DIPK1C: variants seen among roughly 807,000 people sequenced by gnomAD.
The protein encoded by DIPK1C is divergent protein kinase domain 1C.
In DIPK1C, 33 loss-of-function variants were observed where a neutral mutation model predicts 28.0. That is an observed-to-expected ratio of 1.18 (90% CI 0.89 to 1.58). The LOEUF (loss-of-function observed/expected upper bound fraction) is 1.58, where lower values mean the gene tolerates loss of function less well. DIPK1C is among the 40% of genes most tolerant of loss of function. The pLI, the probability that DIPK1C is intolerant of heterozygous loss-of-function variation, is 0.00. For synonymous variants in DIPK1C, 255 were observed against 248.8 expected (o/e 1.02, Z -0.23); for missense variants, 569 against 568.5 (o/e 1.00, Z -0.01).
intron 3 of DIPK1C, among the ~76,000 whole-genome samples, chr18:74,439,040 A>G (rs1287816182): frequency 7.2e-5 from 11 of 152,118 alleles, no homozygotes; most frequent in Admixed American, 7.2e-4. Context: ...ATGTTTTGCA[A>G]ATTTTCTCAT....
At chr18:74,456,510 G>C (rs577977744) in intron 1 of DIPK1C, among the ~76,000 whole-genome samples, 1 of 152,354 alleles carries the variant, frequency 6.6e-6, no homozygotes, top group African/African-American at 2.4e-5. Context: ...CGCGACCGCG[G>C]AGAGCCTGGG....
Position 74,435,630 on chromosome 18 carries a change from C to G in DIPK1C, c.*871G>C, listed in dbSNP as rs1293180679. ...AAGGTGTATTGCAATACGAGGCGCCCTAAAACCCATCCATAACCTTGGTGG... is the reference window on the plus strand; with the variant it reads ...AAGGTGTATTGCAATACGAGGCGCCGTAAAACCCATCCATAACCTTGGTGG... On this transcript the variant is annotated 3_prime_UTR_variant, in exon 4 of 4. Coordinates refer to ENST00000343998, the MANE Select transcript of DIPK1C (RefSeq NM_001044369.3). 2.0e-5 allele frequency: 3 copies of G among 152,288 alleles called. No homozygotes were observed. In the East Asian group the frequency reaches 5.8e-4, roughly 29 times the overall value. 9.4% of individuals were successfully genotyped at this position (152,288 alleles called of 1,614,324 possible). A position where few individuals can be genotyped will look rare whatever the true frequency, so the allele number is the denominator to read the frequency against.
In DIPK1C at chr18:74,457,293, G is replaced by A. The variant is rs1047615993; in HGVS notation, c.-34C>T. 2.0e-6 allele frequency: 2 copies of A among 983,436 alleles called. No homozygotes were observed. The highest frequency in any genetic ancestry group is 2.4e-6 in the Non-Finnish European group (2 of 829,026). 60.9% of individuals were successfully genotyped at this position (983,436 alleles called of 1,614,324 possible). A position where few individuals can be genotyped will look rare whatever the true frequency, so the allele number is the denominator to read the frequency against. ...CTGCCCGCGCCCGGGCCCCACCGCCGCCCGCGCCCCGAGTTCCGCACTCGC... is the reference window on the plus strand; with the variant it reads ...CTGCCCGCGCCCGGGCCCCACCGCCACCCGCGCCCCGAGTTCCGCACTCGC... On this transcript the variant is annotated 5_prime_UTR_variant, in exon 1 of 4. Transcript: ENST00000343998.
intron 1 of DIPK1C, among the ~76,000 whole-genome samples, chr18:74,456,256 C>CT (rs1369923790): frequency 5.3e-5 from 8 of 152,374 alleles, no homozygotes; most frequent in African/African-American, 9.6e-5. Flanking sequence ...TTCCAATCAA[C>CT]TAAAGGTGGG....
chr18:74,457,227 G>C lies in DIPK1C; in HGVS notation c.33C>G (p.Ala11=), dbSNP rs971996287. Residue 11 remains alanine (A), a synonymous_variant, in exon 1 of 4, where the codon GCC becomes GCG. Transcript: ENST00000343998. Reference sequence around the variant, plus strand: ...AGCGCCCGCGCCTCCTGCACCACCCGGCAGGGCCCCGCGCGCCCGCCGCCC... The same window carrying C: ...AGCGCCCGCGCCTCCTGCACCACCCCGCAGGGCCCCGCGCGCCCGCCGCCC... The part of the protein sequence containing the change: MARAAGARGP[A]GWCRRRGRCG... 1.8e-4 allele frequency: 196 copies of C among 1,088,764 alleles called. No homozygotes were observed. Among genetic ancestry groups the C allele is most frequent in the Non-Finnish European group, 2.1e-4 (185 of 898,428 alleles). 67.4% of individuals were successfully genotyped at this position (1,088,764 alleles called of 1,614,324 possible). A position where few individuals can be genotyped will look rare whatever the true frequency, so the allele number is the denominator to read the frequency against.
chr18:74,457,359 G>A (rs1295675881), upstream of DIPK1C: 10 of 881,874 alleles, frequency 1.1e-5, no homozygotes, highest in Non-Finnish European at 1.2e-5. Context: ...CGGGGAGGGG[G>A]AACGGGGGAG....
At chr18:74,458,226 A>G (rs1986561995), upstream of DIPK1C, among the ~76,000 whole-genome samples, 1 of 152,018 alleles carries the variant, frequency 6.6e-6, no homozygotes, top group Admixed American at 6.5e-5. Flanking sequence ...CCCCAGGGGA[A>G]CTGTCACAGC....
intron 1 of DIPK1C, among the ~76,000 whole-genome samples, chr18:74,449,730 G>A (rs1400789004): frequency 6.6e-6 from 1 of 152,176 alleles, no homozygotes; most frequent in Non-Finnish European, 1.5e-5. Flanking sequence ...TTTGCCTGGG[G>A]CTGACTTTAT....
intron 3 of DIPK1C, among the ~76,000 whole-genome samples, chr18:74,438,260 G>A (rs1236201589): frequency 6.6e-6 from 1 of 152,338 alleles, no homozygotes; most frequent in Non-Finnish European, 1.5e-5. Context: ...ATGTGTGCGT[G>A]TGTCGTAAGT....
At chr18:74,442,392 G>C (rs1326488527) in intron 2 of DIPK1C, among the ~76,000 whole-genome samples, 2 of 152,040 alleles carry the variant, frequency 1.3e-5, no homozygotes, top group Non-Finnish European at 2.9e-5. Context: ...GCAGTGGCGC[G>C]ATCTGGGCTC....
chr18:74,438,268 A>G (rs1986043024), intron 3 of DIPK1C, among the ~76,000 whole-genome samples: 1 of 152,224 alleles, frequency 6.6e-6, no homozygotes, highest in African/African-American at 2.4e-5. Context: ...GTGTGTCGTA[A>G]GTTATTTAAC....
chr18:74,446,092 A>G (rs1222567533), intron 2 of DIPK1C, among the ~76,000 whole-genome samples: 3 of 152,180 alleles, frequency 2.0e-5, no homozygotes, highest in African/African-American at 7.2e-5. Context: ...TTGTTCCTCT[A>G]GAAGTCTTAC....
rs1364221691 is a variant in DIPK1C at position 74,447,925 on chromosome 18, G to T, written c.199-642C>A. On this transcript the variant is annotated intron_variant, in intron 1 of 3. Coordinates refer to ENST00000343998, the MANE Select transcript of DIPK1C (RefSeq NM_001044369.3). This position sits in a 1 kb window ranked among gnomAD's most constrained non-coding sequence, Gnocchi z 4.1. ...TCATGGCTGGTGACCTGGAGAAGAG[G>T]AGGGACCAAGGAGGACCCATGCAGG... Among the ~76,000 whole-genome samples the T allele has an allele frequency of 6.6e-6, 1 of 152,222 alleles. No individual in the cohort carries two copies. Among genetic ancestry groups the T allele is most frequent in the Non-Finnish European group, 1.5e-5 (1 of 68,046 alleles).
rs758188226 is a variant in DIPK1C, at chr18:74,447,314, G to C, written c.199-31C>G. The C allele has an allele frequency of 1.3e-6, 2 of 1,492,042 alleles. No individual in the cohort carries two copies. Among genetic ancestry groups the C allele is most frequent in the Non-Finnish European group, 1.8e-6 (2 of 1,117,722 alleles). 92.4% of individuals were successfully genotyped at this position (1,492,042 alleles called of 1,614,324 possible). ...AGGAAGGGAACAGTCGGTCACCATG[G>C]GGAGGGCCTGGTGCCATCCGTCTCT... On this transcript the variant is annotated intron_variant, in intron 1 of 3. Transcript: ENST00000343998. This position sits in a 1 kb window ranked among gnomAD's most constrained non-coding sequence, Gnocchi z 4.1.
chr18:74,455,579 T>C (rs12955142), intron 1 of DIPK1C, among the ~76,000 whole-genome samples: 5,158 of 151,076 alleles, frequency 0.034, 112 homozygotes, highest in East Asian at 0.053. Flanking sequence ...TCGCCTGAGG[T>C]TGGGAGTTCG....
intron 1 of DIPK1C, among the ~76,000 whole-genome samples, chr18:74,451,131 C>T (rs981609392): frequency 6.6e-6 from 1 of 152,136 alleles, no homozygotes; most frequent in South Asian, 2.1e-4. Context: ...TAGAAGTCTG[C>T]CTTAGCAGAC....
At chr18:74,444,788 C>T (rs1005374704) in intron 2 of DIPK1C, among the ~76,000 whole-genome samples, 3 of 152,160 alleles carry the variant, frequency 2.0e-5, no homozygotes, top group African/African-American at 7.2e-5. Flanking sequence ...GAGGTAAGAG[C>T]CCTGAGCGGT....
chr18:74,449,361 A>G (rs142795412), intron 1 of DIPK1C, among the ~76,000 whole-genome samples: 2,809 of 152,314 alleles, frequency 0.018, 98 homozygotes, highest in African/African-American at 0.064. Context: ...TTTGAGACAC[A>G]CCTGGCCCCA....
chr18:74,464,025 G>T, the DIPK1C span, among the ~76,000 whole-genome samples: 1 of 152,184 alleles, frequency 6.6e-6, no homozygotes, highest in South Asian at 2.1e-4. Context: ...GGATCAGGTG[G>T]TTACTAAAGG....
Sources: gnomAD v4.1 joint callset for allele counts (sites outside exome capture counted in the v4.1 genomes callset) on GRCh38, gnomAD v4.1.1 for gene constraint, Gnocchi (gnomAD v3.1) non-coding constraint, MANE v1.5 for transcripts, NCBI Gene and HGNC (gene_info 2026-07-23, HGNC 2026-07-21) for gene names.